The following CDH4 variants were observed in gnomAD, a reference collection of about 807,000 sequenced individuals.
The protein encoded by CDH4 is cadherin-4.
CDH4 carries 33 observed loss-of-function variants against 86.0 expected under a neutral mutation model. The observed-to-expected ratio is 0.38, with a 90% CI of 0.29 to 0.51. The LOEUF (loss-of-function observed/expected upper bound fraction) is 0.51, where lower values mean the gene tolerates loss of function less well. Ranked by LOEUF, CDH4 falls within the 20% of genes least tolerant of loss-of-function variation. CDH4 has a pLI of 0.86. For missense variants in CDH4, 1,114 were observed against 1,307.4 expected, an observed-to-expected ratio of 0.85 and a Z score of 2.28; for synonymous variants, 555 against 549.4, an observed-to-expected ratio of 1.01 and a Z score of -0.14.
chr20:61,781,692 A>G (rs1978553709), intron 4 of CDH4, among the ~76,000 whole-genome samples: 1 of 152,218 alleles, frequency 6.6e-6, no homozygotes, highest in South Asian at 2.1e-4. Flanking sequence ...ATGATCAGAA[A>G]AAAATCCTCA....
intron 4 of CDH4, among the ~76,000 whole-genome samples, chr20:61,821,346 G>C (rs1226236287): frequency 1.2e-5 from 1 of 86,198 alleles, no homozygotes. Context: ...CCCCAGCCCA[G>C]ATCCACTGCT....
chr20:61,769,177 A>G (rs1342633303), intron 3 of CDH4, among the ~76,000 whole-genome samples: 1 of 152,216 alleles, frequency 6.6e-6, no homozygotes, highest in African/African-American at 2.4e-5. Context: ...ACCCTTCTCC[A>G]GAGGTGGATC....
At chr20:61,500,790 T>G (rs1436053080) in intron 2 of CDH4, among the ~76,000 whole-genome samples, 2 of 152,234 alleles carry the variant, frequency 1.3e-5, no homozygotes, top group African/African-American at 4.8e-5. Context: ...GCGTGTCAAG[T>G]ACTTGACGTA....
chr20:61,729,519 G>A (rs528410730), intron 2 of CDH4, among the ~76,000 whole-genome samples: 22 of 152,274 alleles, frequency 1.4e-4, no homozygotes, highest in African/African-American at 5.1e-4. Flanking sequence ...GCCCTTTCAC[G>A]ACGTAAGGCT....
At chr20:61,674,226 G>A (rs1015936525) in intron 2 of CDH4, among the ~76,000 whole-genome samples, 1 of 152,170 alleles carries the variant, frequency 6.6e-6, no homozygotes, top group Admixed American at 6.5e-5. Flanking sequence ...GAGCTGCCCC[G>A]AGTCCCGTGG....
chr20:61,841,192 T>C (rs1404275855), intron 4 of CDH4, among the ~76,000 whole-genome samples: 2 of 152,224 alleles, frequency 1.3e-5, no homozygotes, highest in Non-Finnish European at 2.9e-5. Flanking sequence ...ACCTACTGCG[T>C]GCTCCCAGTG....
chr20:61,297,970 T>C (rs996522448), intron 2 of CDH4, among the ~76,000 whole-genome samples: 2 of 152,230 alleles, frequency 1.3e-5, no homozygotes, highest in African/African-American at 4.8e-5. Context: ...TTTTGGGTTT[T>C]GGGGTTTCAG....
intron 2 of CDH4, among the ~76,000 whole-genome samples, chr20:61,427,004 T>A (rs920653623): frequency 6.6e-6 from 1 of 152,352 alleles, no homozygotes; most frequent in African/African-American, 2.4e-5. Flanking sequence ...TTCATGTCAC[T>A]CATTTATGAC....
chr20:61,698,675 G>A (rs2145881898), intron 2 of CDH4, among the ~76,000 whole-genome samples: 1 of 152,364 alleles, frequency 6.6e-6, no homozygotes, highest in Non-Finnish European at 1.5e-5. Context: ...TGGGGCCAGA[G>A]TCTCAGCTGT....
chr20:61,699,258 A>T (rs1325593886), intron 2 of CDH4, among the ~76,000 whole-genome samples: 1 of 151,906 alleles, frequency 6.6e-6, no homozygotes, highest in Non-Finnish European at 1.5e-5. Context: ...ATTTGGGGGG[A>T]TGCTGGCCAG....
chr20:61,767,412 C>A (rs984273497), intron 3 of CDH4, among the ~76,000 whole-genome samples: 2 of 152,174 alleles, frequency 1.3e-5, no homozygotes, highest in African/African-American at 4.8e-5. Context: ...AGTAGCAGGT[C>A]CGGGGTGGCA....
At chr20:61,771,216 G>T (rs970660356) in intron 3 of CDH4, among the ~76,000 whole-genome samples, 2 of 151,296 alleles carry the variant, frequency 1.3e-5, no homozygotes, top group Non-Finnish European at 2.9e-5. Context: ...CACCATGTTG[G>T]CCAGGCTGGT....
chr20:61,279,678 C>T (rs1050628019), intron 2 of CDH4, among the ~76,000 whole-genome samples: 2 of 152,128 alleles, frequency 1.3e-5, no homozygotes, highest in African/African-American at 4.8e-5. Flanking sequence ...CATTGTTTCC[C>T]GGGAACGTAG....
chr20:61,667,062 C>G (rs2087333873), intron 2 of CDH4, among the ~76,000 whole-genome samples: 2 of 152,354 alleles, frequency 1.3e-5, no homozygotes, highest in South Asian at 4.1e-4. Flanking sequence ...CATGACGCCA[C>G]CATCTCATAA....
At chr20:61,916,048 A>C (rs915812562) in intron 9 of CDH4, among the ~76,000 whole-genome samples, 1 of 152,128 alleles carries the variant, frequency 6.6e-6, no homozygotes, top group Non-Finnish European at 1.5e-5. Context: ...CTGAAGTTTC[A>C]ATTTAGAATC....
rs1983160694 is a variant in CDH4, at chr20:61,858,415, CTG to C, written c.877+5527_877+5528del. Among the ~76,000 whole-genome samples the C allele has an allele frequency of 2.0e-5, 3 of 147,648 alleles. No homozygotes were observed. The South Asian group carries it at 6.5e-4, about 32-fold the overall frequency. On this transcript the variant is annotated intron_variant, in intron 6 of 15. Coordinates refer to ENST00000614565, the MANE Select transcript of CDH4 (RefSeq NM_001794.5). ...TGTCTCTGTGTCTGTGTGTCTGCGT[CTG>C]TGTGTGTGTCTGTGTCTATGTGTGT...
At chr20:61,539,009 C>T (rs1012989761) in intron 2 of CDH4, among the ~76,000 whole-genome samples, 8 of 152,262 alleles carry the variant, frequency 5.3e-5, no homozygotes, top group South Asian at 2.1e-4. Context: ...GTCTCTGCCG[C>T]TGGAGGCAGG....
At chr20:61,329,059 A>G (rs965763057) in intron 2 of CDH4, among the ~76,000 whole-genome samples, 1 of 152,328 alleles carries the variant, frequency 6.6e-6, no homozygotes, top group East Asian at 1.9e-4. Flanking sequence ...TGATAGTAAC[A>G]TGTTGAGTGT....
intron 2 of CDH4, among the ~76,000 whole-genome samples, chr20:61,283,844 T>G (rs1270767392): frequency 6.6e-6 from 1 of 152,156 alleles, no homozygotes; most frequent in Non-Finnish European, 1.5e-5. Flanking sequence ...TGGTGCCAAT[T>G]TATATTCCCA....
Sources: allele counts gnomAD v4.1 joint callset (sites outside exome capture counted in the v4.1 genomes callset), GRCh38; gene constraint gnomAD v4.1.1; transcripts MANE v1.5; gene names NCBI Gene and HGNC (gene_info 2026-07-23, HGNC 2026-07-21).